Variants in CDK5 observed in about 807,000 individuals in gnomAD.
CDK5 encodes the protein cyclin-dependent kinase 5.
Under a neutral mutation model 44.6 loss-of-function variants are expected in CDK5, and 18 were observed. That is an observed-to-expected ratio of 0.40 (90% CI 0.28 to 0.60). The LOEUF (loss-of-function observed/expected upper bound fraction) is 0.60. Ranked by LOEUF, CDK5 falls within the 20% of genes least tolerant of loss-of-function variation. The pLI is 0.38. For synonymous variants in CDK5, 143 were observed against 152.8 expected (o/e 0.94, Z 0.47); for missense variants, 198 against 368.1 (o/e 0.54, Z 3.78).
chr7:151,054,209 T>G lies in CDK5; in HGVS notation c.792+3A>C, dbSNP rs200466323. The G allele has an allele frequency of 6.2e-7, 1 of 1,611,846 alleles. No homozygotes were observed. The highest frequency in any genetic ancestry group is 1.7e-5 in the Admixed American group (1 of 59,696). On this transcript the variant is annotated splice_donor_region_variant and intron_variant, in intron 11 of 11. Coordinates refer to ENST00000485972, the MANE Select transcript of CDK5 (RefSeq NM_004935.4). This position sits in a 1 kb window ranked among gnomAD's most constrained non-coding sequence, Gnocchi z 5.7. ...GACCCACCCTCTACCCCTGGTCACC[T>G]ACCTGCAGCAGATCCCTCCCTGTGG...
rs751770862 is a variant in CDK5, at chr7:151,057,126, C to G, written c.72G>C (p.Arg24=). ...TYGTVFKAKN[R]ETHEIVALKR... ...TCAGAGCCACGATCTCATGAGTCTC[C>G]CGGTTTTTGGCCTTGAACACAGTTC... The change falls in exon 2 of 12, where the codon CGG becomes CGC. Residue 24 remains arginine, a synonymous_variant. Coordinates refer to ENST00000485972, the MANE Select transcript of CDK5 (RefSeq NM_004935.4). The surrounding 1 kb of genome is among the most constrained non-coding windows in gnomAD (Gnocchi z 5.2). 6.2e-7 allele frequency: 1 copy of G among 1,613,842 alleles called. No homozygotes were observed. Among genetic ancestry groups the G allele is most frequent in the East Asian group, 2.2e-5 (1 of 44,894 alleles).
chr7:151,057,152 C>G lies in CDK5; in HGVS notation c.46G>C (p.Gly16Arg). Residue 16 changes from glycine (G) to arginine (R), a missense_variant, in exon 2 of 12, where the codon GGA (glycine) becomes CGA (arginine). Gly to Arg is a moderately radical substitution (Grantham distance 125). Around this residue, in one of 4 missense-constraint regions of CDK5, gnomAD observed 53 missense variants for 122.7 expected, o/e 0.43. Transcript: ENST00000485972. The surrounding 1 kb of genome is among the most constrained non-coding windows in gnomAD (Gnocchi z 5.2). ...KLEKIGEGTY[G>R]TVFKAKNRET... ...CGGTTTTTGGCCTTGAACACAGTTC[C>G]GTAGGTGCCTAGGGGAAGGAGGTCA... 6.2e-7 allele frequency: 1 copy of G among 1,613,828 alleles called. No homozygotes were observed. Among genetic ancestry groups the G allele is most frequent in the Non-Finnish European group, 8.5e-7 (1 of 1,179,746 alleles).
rs947222676 is a variant in CDK5, at chr7:151,057,438, T to C, written c.38-278A>G. 6 of 587,892 alleles carry C rather than the reference T, an allele frequency of 1.0e-5. No individual in the cohort carries two copies. The highest frequency in any genetic ancestry group is 9.4e-5 in the African/African-American group (5 of 53,224). 36.4% of individuals were successfully genotyped at this position (587,892 alleles called of 1,614,324 possible). On this transcript the variant is annotated intron_variant, in intron 1 of 11. Coordinates refer to ENST00000485972, the MANE Select transcript of CDK5 (RefSeq NM_004935.4). The surrounding 1 kb of genome is among the most constrained non-coding windows in gnomAD (Gnocchi z 5.2). ...GTGCTCCGGAAGGGTCTGGAAATAGTGAGGAGGGGTCTGGGAGAGGACTGA... is the reference window on the plus strand; with the variant it reads ...GTGCTCCGGAAGGGTCTGGAAATAGCGAGGAGGGGTCTGGGAGAGGACTGA...
In CDK5 at chr7:151,054,495, A is replaced by G; in HGVS notation, c.651-30T>C. ...CCACGGAGTCAAGGATCACTTGGGAAAGGGCCACAGCTGCATCTTCAGGGG... is the reference window on the plus strand; with the variant it reads ...CCACGGAGTCAAGGATCACTTGGGAGAGGGCCACAGCTGCATCTTCAGGGG... On this transcript the variant is annotated intron_variant, in intron 9 of 11. Transcript: ENST00000485972. The surrounding 1 kb of genome is among the most constrained non-coding windows in gnomAD (Gnocchi z 5.7). The G allele has an allele frequency of 6.3e-7, 1 of 1,598,430 alleles. No individual in the cohort carries two copies. Among genetic ancestry groups the G allele is most frequent in the African/African-American group, 1.3e-5 (1 of 74,738 alleles).
At chr7:151,055,429 T>C (rs969590333) in intron 7 of CDK5, 56 bp from the exon 8 acceptor site, 77 of 1,564,476 alleles carry the variant, frequency 4.9e-5, no homozygotes, top group Non-Finnish European at 6.4e-5. Context: ...GGGAGGAGGT[T>C]TGAGGAGGAG....
In CDK5 at chr7:151,054,864, C is replaced by CA. The variant is rs1796863405; in HGVS notation, c.650+162dup. Reference sequence around the variant, plus strand: ...TCTCCAGTGTGCATTTGCACTGTGACAATCAGGGTGTCCAGCACCCCTGCT... The same window carrying CA: ...TCTCCAGTGTGCATTTGCACTGTGACAAATCAGGGTGTCCAGCACCCCTGCT... On this transcript the variant is annotated intron_variant, in intron 9 of 11. Transcript: ENST00000485972. The surrounding 1 kb of genome is among the most constrained non-coding windows in gnomAD (Gnocchi z 5.7). Among the ~76,000 whole-genome samples, 1 of 152,158 alleles carries CA rather than the reference C, an allele frequency of 6.6e-6. No homozygotes were observed. The highest frequency in any genetic ancestry group is 2.4e-5 in the African/African-American group (1 of 41,432).
chr7:151,055,679 C>T, intron 6 of CDK5, 73 bp from the exon 7 acceptor site: 1 of 1,537,314 alleles, frequency 6.5e-7, no homozygotes, highest in South Asian at 1.1e-5. Context: ...TCCATCCTCC[C>T]AGTCCTCTTC....
Position 151,057,020 on chromosome 7 carries a change from A to G in CDK5, c.127-45T>C. 1.3e-6 allele frequency: 2 copies of G among 1,587,446 alleles called. No individual in the cohort carries two copies. The highest frequency in any genetic ancestry group is 1.7e-6 in the Non-Finnish European group (2 of 1,156,226). Reference sequence around the variant, plus strand: ...GGTGGGCAGCAGTCAGATCCCACCCAGCCCAGGCCCTCAAACCCCTCCCCA... The same window carrying G: ...GGTGGGCAGCAGTCAGATCCCACCCGGCCCAGGCCCTCAAACCCCTCCCCA... On this transcript the variant is annotated intron_variant, in intron 2 of 11. Coordinates refer to ENST00000485972, the MANE Select transcript of CDK5 (RefSeq NM_004935.4). This position sits in a 1 kb window ranked among gnomAD's most constrained non-coding sequence, Gnocchi z 5.2.
rs1182749123 is a variant in CDK5, at chr7:151,056,402, C to T, written c.312+178G>A. The T allele has an allele frequency of 3.2e-6, 2 of 618,810 alleles. No individual in the cohort carries two copies. Among genetic ancestry groups the T allele is most frequent in the East Asian group, 5.5e-5 (2 of 36,580 alleles). The allele number at this position is 618,810 out of a possible 1,614,324, so 38.3% of individuals were successfully genotyped here. Reference sequence around the variant, plus strand: ...ATGACACTGTGCGGGTCAAAGATGACCACGTGAAAATGCTCACTAAGACTG... The same window carrying T: ...ATGACACTGTGCGGGTCAAAGATGATCACGTGAAAATGCTCACTAAGACTG... On this transcript the variant is annotated intron_variant, in intron 5 of 11. Coordinates refer to ENST00000485972, the MANE Select transcript of CDK5 (RefSeq NM_004935.4). This position sits in a 1 kb window ranked among gnomAD's most constrained non-coding sequence, Gnocchi z 4.7.
In CDK5 at chr7:151,057,277, T is replaced by G; in HGVS notation, c.38-117A>C. The G allele has an allele frequency of 1.2e-6, 1 of 836,594 alleles. No homozygotes were observed. Among genetic ancestry groups the G allele is most frequent in the Non-Finnish European group, 2.1e-6 (1 of 481,698 alleles). 51.8% of individuals were successfully genotyped at this position (836,594 alleles called of 1,614,324 possible). A position where few individuals can be genotyped will look rare whatever the true frequency, so the allele number is the denominator to read the frequency against. ...AGTATGCAAGGGAAGGGATTCAGGG[T>G]GAAGGTAGGTTGGTGAGCTTTGTGA... On this transcript the variant is annotated intron_variant, in intron 1 of 11. Coordinates refer to ENST00000485972, the MANE Select transcript of CDK5 (RefSeq NM_004935.4). This position sits in a 1 kb window ranked among gnomAD's most constrained non-coding sequence, Gnocchi z 5.2.
Position 151,056,067 on chromosome 7 carries a change from T to C in CDK5, c.313-219A>G. The C allele has an allele frequency of 3.4e-6, 2 of 583,398 alleles. No individual in the cohort carries two copies. Among genetic ancestry groups the C allele is most frequent in the Non-Finnish European group, 6.1e-6 (2 of 326,590 alleles). The allele number at this position is 583,398 out of a possible 1,614,324, so 36.1% of individuals were successfully genotyped here. On this transcript the variant is annotated intron_variant, in intron 5 of 11. Transcript: ENST00000485972. This position sits in a 1 kb window ranked among gnomAD's most constrained non-coding sequence, Gnocchi z 4.7. The stretch of plus-strand genomic sequence containing the variant: ...AAGAAGCTGGCTCTGGTCCCCACCT[T>C]CCTGGACCATACAGCCTAATGGGCC...
Position 151,056,001 on chromosome 7 carries a change from A to G in CDK5, c.313-153T>C. 1 of 646,748 alleles carries G rather than the reference A, an allele frequency of 1.5e-6. No individual in the cohort carries two copies. The highest frequency in any genetic ancestry group is 2.8e-6 in the Non-Finnish European group (1 of 355,388). 40.1% of individuals were successfully genotyped at this position (646,748 alleles called of 1,614,324 possible). A position where few individuals can be genotyped will look rare whatever the true frequency, so the allele number is the denominator to read the frequency against. ...TGACACCATTCATTCGCCATCCAGG[A>G]CCTGCTTTATACTGTGCTAGGCATT... On this transcript the variant is annotated intron_variant, in intron 5 of 11. Transcript: ENST00000485972. The surrounding 1 kb of genome is among the most constrained non-coding windows in gnomAD (Gnocchi z 4.7).
At chr7:151,055,226 T>C in intron 8 of CDK5, 51 bp downstream of exon 8, 1 of 1,581,446 alleles carries the variant, frequency 6.3e-7, no homozygotes, top group Non-Finnish European at 8.7e-7. Context: ...AGACCCTATT[T>C]GTCAACTCAA....
In CDK5 at chr7:151,057,655, G is replaced by T; in HGVS notation, c.37+157C>A. ...GGGAAATGCTAACACGGGGAAGACT[G>T]GTGTCTGCACGGAGTGCTGAGCTAG... On this transcript the variant is annotated intron_variant, in intron 1 of 11. Transcript: ENST00000485972. The surrounding 1 kb of genome is among the most constrained non-coding windows in gnomAD (Gnocchi z 5.2). The T allele has an allele frequency of 1.3e-6, 1 of 783,160 alleles. No homozygotes were observed. Among genetic ancestry groups the T allele is most frequent in the Non-Finnish European group, 2.2e-6 (1 of 457,974 alleles). 48.5% of individuals were successfully genotyped at this position (783,160 alleles called of 1,614,324 possible).
Position 151,054,419 on chromosome 7 carries a change from G to A in CDK5, c.697C>T (p.Leu233=), listed in dbSNP as rs1796853944. 6.2e-7 allele frequency: 1 copy of A among 1,613,454 alleles called. No homozygotes were observed. The highest frequency in any genetic ancestry group is 8.5e-7 in the Non-Finnish European group (1 of 1,179,624). The change falls in exon 10 of 12, where the codon CTG becomes TTG. Residue 233 remains leucine (L), a synonymous_variant. Coordinates refer to ENST00000485972, the MANE Select transcript of CDK5 (RefSeq NM_004935.4). The surrounding 1 kb of genome is among the most constrained non-coding windows in gnomAD (Gnocchi z 5.7). ...CCCCATCACACCTTATAGTCTGGCA[G>A]CTTGGTCATAGAGGGCCACTGCTCC... ...TEEQWPSMTK[L]PDYKPYPMYP...
Position 151,057,546 on chromosome 7 carries a change from A to G in CDK5, c.37+266T>C. 1 of 606,192 alleles carries G rather than the reference A, an allele frequency of 1.6e-6. No homozygotes were observed. The highest frequency in any genetic ancestry group is 1.9e-5 in the South Asian group (1 of 51,448). The allele number at this position is 606,192 out of a possible 1,614,324, so 37.6% of individuals were successfully genotyped here. A position where few individuals can be genotyped will look rare whatever the true frequency, so the allele number is the denominator to read the frequency against. On this transcript the variant is annotated intron_variant, in intron 1 of 11. Transcript: ENST00000485972. The surrounding 1 kb of genome is among the most constrained non-coding windows in gnomAD (Gnocchi z 5.2). ...GGGTGAGGTTGTCCAAGTGCTGCTGAGGCTGGGGTGAGAAATTTCAGGAAG... is the reference window on the plus strand; with the variant it reads ...GGGTGAGGTTGTCCAAGTGCTGCTGGGGCTGGGGTGAGAAATTTCAGGAAG...
Position 151,057,613 on chromosome 7 carries a change from T to A in CDK5, c.37+199A>T. ...TCGGGTCTACTGGGAACGCTAAGGT[T>A]GGAGTGAGAGCCCTGCGGGAAATGC... On this transcript the variant is annotated intron_variant, in intron 1 of 11. Transcript: ENST00000485972. The surrounding 1 kb of genome is among the most constrained non-coding windows in gnomAD (Gnocchi z 5.2). 1 of 686,326 alleles carries A rather than the reference T, an allele frequency of 1.5e-6. No individual in the cohort carries two copies. Among genetic ancestry groups the A allele is most frequent in the Non-Finnish European group, 2.6e-6 (1 of 386,080 alleles). 42.5% of individuals were successfully genotyped at this position (686,326 alleles called of 1,614,324 possible).
chr7:151,057,111 G>C lies in CDK5; in HGVS notation c.87C>G (p.Ile29Met), dbSNP rs766236667. 4.3e-6 allele frequency: 7 copies of C among 1,613,868 alleles called. No homozygotes were observed. Among genetic ancestry groups the C allele is most frequent in the Non-Finnish European group, 5.9e-6 (7 of 1,179,844 alleles). ...CCAGCCTCACCCGTTTCAGAGCCACGATCTCATGAGTCTCCCGGTTTTTGG... is the reference window on the plus strand; with the variant it reads ...CCAGCCTCACCCGTTTCAGAGCCACCATCTCATGAGTCTCCCGGTTTTTGG... ...FKAKNRETHE[I>M]VALKRVRLDD... is the part of the protein sequence containing the mutation. Residue 29 changes from isoleucine (I) to methionine (M), a missense_variant, in exon 2 of 12, where the codon ATC (isoleucine) becomes ATG (methionine). Ile to Met is a conservative substitution (Grantham distance 10). Coordinates refer to ENST00000485972, the MANE Select transcript of CDK5 (RefSeq NM_004935.4). The surrounding 1 kb of genome is among the most constrained non-coding windows in gnomAD (Gnocchi z 5.2).
Position 151,057,858 on chromosome 7 carries a change from C to T in CDK5, c.-10G>A, listed in dbSNP as rs370700495. On this transcript the variant is annotated 5_prime_UTR_variant, in exon 1 of 12. Transcript: ENST00000485972. This position sits in a 1 kb window ranked among gnomAD's most constrained non-coding sequence, Gnocchi z 5.2. ...TCTCGTATTTCTGCATCGCGGCGGC[C>T]GCGGGGACCCCTGCGGGCCCTCGGT... The T allele has an allele frequency of 3.1e-6, 5 of 1,609,152 alleles. No homozygotes were observed. In the African/African-American group the frequency reaches 6.7e-5, roughly 21 times the overall value.
Sources: gnomAD v4.1 joint callset for allele counts (sites outside exome capture counted in the v4.1 genomes callset) on GRCh38, gnomAD v4.1.1 for gene constraint, gnomAD v4.1.1 regional missense constraint, Gnocchi (gnomAD v3.1) non-coding constraint, MANE v1.5 for transcripts, NCBI Gene and HGNC (gene_info 2026-07-23, HGNC 2026-07-21) for gene names.